THADA: variants seen among roughly 807,000 people sequenced by gnomAD.
The protein encoded by THADA is tRNA (32-2'-O)-methyltransferase regulator THADA.
A neutral mutation model predicts 219.8 loss-of-function variants in THADA; 213 were observed. The ratio of observed to expected loss-of-function variants is 0.97; its 90% CI spans 0.87 to 1.09. The LOEUF (loss-of-function observed/expected upper bound fraction) is 1.09, where lower values mean the gene tolerates loss of function less well. Ranked by LOEUF, THADA falls within the 50% of genes least tolerant of loss-of-function variation. The pLI, the probability that THADA is intolerant of heterozygous loss-of-function variation, is 0.00. For synonymous variants in THADA, 1,018 were observed against 828.9 expected, an observed-to-expected ratio of 1.23 and a Z score of -3.92; for missense variants, 2,956 against 2,311.3, an observed-to-expected ratio of 1.28 and a Z score of -5.72.
chr2:43,549,943 G>A (rs6730500), intron 19 of THADA, among the ~76,000 whole-genome samples: 50,301 of 152,060 alleles, frequency 0.33, 8,690 homozygotes, highest in African/African-American at 0.41. Flanking sequence ...CAGGAATATC[G>A]TAACGACTCC....
At chr2:43,531,526 T>C (rs1257765455) in intron 21 of THADA, among the ~76,000 whole-genome samples, 1 of 152,064 alleles carries the variant, frequency 6.6e-6, no homozygotes, top group Admixed American at 6.6e-5. Context: ...GGCAGTGTAG[T>C]CCATGAGCAG....
Position 43,361,780 on chromosome 2 carries a change from T to G in THADA, c.4228-17543A>C, listed in dbSNP as rs1367803702. Among the ~76,000 whole-genome samples the G allele has an allele frequency of 2.0e-5, 3 of 152,250 alleles. No individual in the cohort carries two copies. The East Asian group carries it at 5.8e-4, about 29-fold the overall frequency. On this transcript the variant is annotated intron_variant, in intron 29 of 37. Coordinates refer to ENST00000405975, the MANE Select transcript of THADA (RefSeq NM_022065.5). Reference sequence around the variant, plus strand: ...TCAGGTGCTTTAAGAAATACATTATTTGTTATCAAGGTTGCCCTTTTTATC... The same window carrying G: ...TCAGGTGCTTTAAGAAATACATTATGTGTTATCAAGGTTGCCCTTTTTATC...
At chr2:43,412,660 A>T (rs1031646849) in intron 28 of THADA, among the ~76,000 whole-genome samples, 3 of 152,206 alleles carry the variant, frequency 2.0e-5, no homozygotes, top group African/African-American at 7.2e-5. Flanking sequence ...CCATTAGTCA[A>T]GAAGAAAGTA....
intron 29 of THADA, among the ~76,000 whole-genome samples, chr2:43,374,540 A>C (rs1671161523): frequency 6.6e-6 from 1 of 152,210 alleles, no homozygotes; most frequent in African/African-American, 2.4e-5. Flanking sequence ...TCAAAAGTAA[A>C]ATAGCACTAT....
At chr2:43,288,542 A>G (rs1674319334) in intron 34 of THADA, among the ~76,000 whole-genome samples, 1 of 152,238 alleles carries the variant, frequency 6.6e-6, no homozygotes, top group Non-Finnish European at 1.5e-5. Context: ...AGACAGATGA[A>G]AAGACAGATA....
At position 43,344,768 on chromosome 2, in the gene THADA, G is replaced by GT. The variant is rs767395296; in HGVS notation, c.4228-532dup. Reference sequence around the variant, plus strand: ...TTTGTAACTATTTAGGGTTTTTTTTGTTTTTTTTTTTTAGCAGATCTTCCC... The same window carrying GT: ...TTTGTAACTATTTAGGGTTTTTTTTGTTTTTTTTTTTTTAGCAGATCTTCCC... On this transcript the variant is annotated intron_variant, in intron 29 of 37. Transcript: ENST00000405975. Among the ~76,000 whole-genome samples the GT allele has an allele frequency of 2.5e-3, 367 of 144,216 alleles. 2 individuals are homozygous for GT. The highest frequency in any genetic ancestry group is 7.5e-3 in the Middle Eastern group (2 of 268). 94.6% of individuals were successfully genotyped at this position (144,216 alleles called of 152,430 possible). A position where few individuals can be genotyped will look rare whatever the true frequency, so the allele number is the denominator to read the frequency against.
chr2:43,240,193 T>C (rs981092612), intron 36 of THADA, among the ~76,000 whole-genome samples: 1 of 152,018 alleles, frequency 6.6e-6, no homozygotes, highest in Non-Finnish European at 1.5e-5. Flanking sequence ...GAGCCCAAGC[T>C]TGGGCCGCAG....
chr2:43,364,626 G>A, intron 29 of THADA, among the ~76,000 whole-genome samples: 1 of 152,202 alleles, frequency 6.6e-6, no homozygotes, highest in East Asian at 1.9e-4. Context: ...TTTACTTTTG[G>A]GAGATGACAG....
intron 27 of THADA, among the ~76,000 whole-genome samples, 189 bp from the exon 28 acceptor site, chr2:43,428,420 C>T (rs1678784245): frequency 6.6e-6 from 1 of 152,098 alleles, no homozygotes; most frequent in African/African-American, 2.4e-5. Context: ...CCAGCCTGGC[C>T]AATACAGTAA....
chr2:43,496,130 G>A (rs1688248471), intron 25 of THADA, among the ~76,000 whole-genome samples: 1 of 152,160 alleles, frequency 6.6e-6, no homozygotes, highest in African/African-American at 2.4e-5. Context: ...TGACTTTCTA[G>A]TAAATACTCC....
intron 26 of THADA, among the ~76,000 whole-genome samples, chr2:43,432,949 T>C (rs1558753403): frequency 3.9e-5 from 6 of 152,202 alleles, no homozygotes. Flanking sequence ...TGTCTTTTGA[T>C]GAGGAGAATT....
rs115498322 is a variant in THADA at position 43,461,539 on chromosome 2, T to C, written c.3836+23695A>G. Among the ~76,000 whole-genome samples the C allele has an allele frequency of 7.3e-3, 1,105 of 152,330 alleles. 8 individuals carry two copies. Among genetic ancestry groups the C allele is most frequent in the Non-Finnish European group, 0.011 (761 of 68,028 alleles). ...CTTATGTACCTGGAAGGAAGAGCTG[T>C]TAGTCATCAATCTGGATGGTCTGGG... On this transcript the variant is annotated intron_variant, in intron 26 of 37. Transcript: ENST00000405975.
intron 21 of THADA, among the ~76,000 whole-genome samples, chr2:43,535,416 C>T (rs942156020): frequency 1.3e-5 from 2 of 151,410 alleles, no homozygotes; most frequent in African/African-American, 2.4e-5. Context: ...CGGTGGCTCA[C>T]GCCTGTAATC....
chr2:43,427,538 T>C lies in THADA; in HGVS notation c.4058+562A>G, dbSNP rs559167563. On this transcript the variant is annotated intron_variant, in intron 28 of 37. Coordinates refer to ENST00000405975, the MANE Select transcript of THADA (RefSeq NM_022065.5). ...GTGTGTGTGTGTGTGTGTGTGTGTA[T>C]ACAAGTTATATATATATACACGCAC... is the stretch of plus-strand genomic sequence containing the variant. Among the ~76,000 whole-genome samples, 17 of 151,506 alleles carry C rather than the reference T, an allele frequency of 1.1e-4. No homozygotes were observed. The East Asian group carries it at 3.3e-3, about 29-fold the overall frequency.
At chr2:43,566,863 A>C in intron 14 of THADA, 42 bp from the exon 15 acceptor site, 1 of 1,355,816 alleles carries the variant, frequency 7.4e-7, no homozygotes. Flanking sequence ...TAATTACGTC[A>C]CAATAGGTTA....
intron 37 of THADA, 75 bp downstream of exon 37, chr2:43,232,638 G>T: frequency 6.7e-7 from 1 of 1,489,904 alleles, no homozygotes; most frequent in Non-Finnish European, 9.2e-7. Flanking sequence ...GCCCAGCTGA[G>T]GCTGTAGGTG....
intron 22 of THADA, among the ~76,000 whole-genome samples, chr2:43,514,712 A>AATATGTAT (rs1558888492): frequency 1.4e-5 from 1 of 71,934 alleles, no homozygotes; most frequent in African/African-American, 6.9e-5. Context: ...ATATATATAT[A>AATATGTAT]AATATATATT....
At chr2:43,364,509 C>G (rs1330003736) in intron 29 of THADA, among the ~76,000 whole-genome samples, 1 of 152,134 alleles carries the variant, frequency 6.6e-6, no homozygotes, top group East Asian at 1.9e-4. Flanking sequence ...TAGTGACAAC[C>G]AATGGTATCT....
At chr2:43,365,874 G>C (rs1670085018) in intron 29 of THADA, among the ~76,000 whole-genome samples, 1 of 152,122 alleles carries the variant, frequency 6.6e-6, no homozygotes, top group Non-Finnish European at 1.5e-5. Flanking sequence ...GCTCAGATGG[G>C]AAGACACTGT....
Sources: gnomAD v4.1 joint callset for allele counts (sites outside exome capture counted in the v4.1 genomes callset) on GRCh38, gnomAD v4.1.1 for gene constraint, MANE v1.5 for transcripts, NCBI Gene and HGNC (gene_info 2026-07-23, HGNC 2026-07-21) for gene names.